The following PTER variants were observed in gnomAD, a reference collection of about 807,000 sequenced individuals.
The protein encoded by PTER is N-acetyltaurine hydrolase.
A neutral mutation model predicts 29.6 loss-of-function variants in PTER; 38 were observed. The observed-to-expected ratio is 1.28, with a 90% CI of 0.99 to 1.68. PTER has a LOEUF of 1.68. PTER is among the 40% of genes most tolerant of loss of function. The pLI, the probability that PTER is intolerant of heterozygous loss-of-function variation, is 0.00. For missense variants in PTER, 482 were observed against 427.8 expected, an observed-to-expected ratio of 1.13 and a Z score of -1.12; for synonymous variants, 172 against 154.5, an observed-to-expected ratio of 1.11 and a Z score of -0.84.
intron 1 of PTER, among the ~76,000 whole-genome samples, chr10:16,482,459 G>T (rs916725647): frequency 6.6e-6 from 1 of 152,142 alleles, no homozygotes; most frequent in Non-Finnish European, 1.5e-5. Context: ...TATGGTCTGC[G>T]TGCCAAATGC....
chr10:16,515,448 A>G (rs1295550298), downstream of PTER, among the ~76,000 whole-genome samples: 1 of 152,138 alleles, frequency 6.6e-6, no homozygotes, highest in Non-Finnish European at 1.5e-5. Flanking sequence ...AAAGTTAAAG[A>G]AAGGACTAAA....
At position 16,511,150 on chromosome 10, in the gene PTER, A is replaced by G. The variant is rs1431567365; in HGVS notation, c.944A>G (p.His315Arg). 6.2e-7 allele frequency: 1 copy of G among 1,613,072 alleles called. No homozygotes were observed. Among genetic ancestry groups the G allele is most frequent in the African/African-American group, 1.3e-5 (1 of 74,926 alleles). The change falls in exon 5 of 5, where the codon CAT becomes CGT. Residue 315 changes from histidine to arginine, a missense_variant. His to Arg is a conservative substitution (Grantham distance 29). Transcript: ENST00000535784. ...AAATATGGAGGTCACGGCTATTCTC[A>G]TATACTCACCAATGTTGTTCCTAAA... is the stretch of plus-strand genomic sequence containing the variant. ...LMKYGGHGYS[H>R]ILTNVVPKML...
rs562086772 is a variant in PTER, at chr10:16,455,218, G to C, written c.-49+18171G>C. Among the ~76,000 whole-genome samples the C allele has an allele frequency of 2.8e-4, 43 of 152,022 alleles. No individual in the cohort carries two copies. The East Asian group carries it at 7.5e-3, about 27-fold the overall frequency. ...TACTCCAGTCTGGATGACAGAGAGA[G>C]ACCCTGTCTCAAAACAAAACAAAAA... On this transcript the variant is annotated intron_variant, in intron 1 of 4. Coordinates refer to ENST00000535784, the MANE Select transcript of PTER (RefSeq NM_001261836.2).
intron 1 of PTER, among the ~76,000 whole-genome samples, chr10:16,461,064 T>C (rs537440374): frequency 1.3e-5 from 2 of 152,310 alleles, no homozygotes; most frequent in South Asian, 4.1e-4. Context: ...AAATTACAGT[T>C]AAAACTACAG....
chr10:16,466,422 C>A (rs1444176060), intron 1 of PTER, among the ~76,000 whole-genome samples: 2 of 152,118 alleles, frequency 1.3e-5, no homozygotes, highest in East Asian at 3.9e-4. Flanking sequence ...GTGGCACCAT[C>A]TCAGCTCACT....
intron 4 of PTER, among the ~76,000 whole-genome samples, chr10:16,507,647 T>A (rs556793718): frequency 1.6e-4 from 25 of 152,342 alleles, no homozygotes; most frequent in African/African-American, 5.5e-4. Flanking sequence ...TCATTAATAG[T>A]ACTATGCTTC....
chr10:16,511,037 T>A lies in PTER; in HGVS notation c.840-9T>A. ...CAAATGACATCTAATGAGTTAACAT[T>A]TTTCACAGGGTGCGTCTCCTGGTGG... On this transcript the variant is annotated splice_polypyrimidine_tract_variant and intron_variant, in intron 4 of 4. Transcript: ENST00000535784. 6.2e-7 allele frequency: 1 copy of A among 1,607,224 alleles called. No homozygotes were observed. Among genetic ancestry groups the A allele is most frequent in the Non-Finnish European group, 8.5e-7 (1 of 1,176,382 alleles).
chr10:16,474,612 G>C (rs188903176), intron 1 of PTER, among the ~76,000 whole-genome samples: 2 of 152,182 alleles, frequency 1.3e-5, no homozygotes, highest in Non-Finnish European at 2.9e-5. Flanking sequence ...ATTTGGTCAG[G>C]CTTCGTGGGT....
chr10:16,455,678 G>A (rs531800764), intron 1 of PTER, among the ~76,000 whole-genome samples: 35 of 152,230 alleles, frequency 2.3e-4, no homozygotes, highest in East Asian at 5.8e-4. Context: ...GCAACAGAGC[G>A]AGACCCTCTC....
At chr10:16,495,333 G>C (rs981011963) in intron 3 of PTER, among the ~76,000 whole-genome samples, 2 of 152,094 alleles carry the variant, frequency 1.3e-5, no homozygotes. Flanking sequence ...ACCACGCTCA[G>C]CCAATTTTGT....
At chr10:16,481,761 G>A (rs1187629131) in intron 1 of PTER, among the ~76,000 whole-genome samples, 1 of 152,132 alleles carries the variant, frequency 6.6e-6, no homozygotes, top group Non-Finnish European at 1.5e-5. Flanking sequence ...AAAAGTGGTA[G>A]CATTTTATCA....
At chr10:16,498,452 GGGCACT>G (rs1185214789) in intron 3 of PTER, among the ~76,000 whole-genome samples, 1 of 152,044 alleles carries the variant, frequency 6.6e-6, no homozygotes, top group East Asian at 1.9e-4. Context: ...GTGTGGTGGT[GGGCACT>G]TGTAATCCCA....
intron 1 of PTER, among the ~76,000 whole-genome samples, chr10:16,472,672 C>T (rs1432073164): frequency 6.6e-6 from 1 of 152,166 alleles, no homozygotes; most frequent in Non-Finnish European, 1.5e-5. Flanking sequence ...GTCCTTCTCC[C>T]CCACCATGTT....
chr10:16,459,369 A>G (rs1834524051), intron 1 of PTER, among the ~76,000 whole-genome samples: 2 of 152,208 alleles, frequency 1.3e-5, no homozygotes, highest in Admixed American at 6.5e-5. Flanking sequence ...GGTCTATAGT[A>G]AATTCTTCAG....
intron 1 of PTER, among the ~76,000 whole-genome samples, chr10:16,462,135 G>A (rs1301850105): frequency 1.3e-5 from 2 of 151,948 alleles, no homozygotes; most frequent in African/African-American, 4.8e-5. Context: ...ACAGGCGCCT[G>A]CCACTACGCC....
downstream of PTER, chr10:16,513,847 T>G (rs1045501244): frequency 2.0e-5 from 3 of 153,208 alleles, no homozygotes; most frequent in African/African-American, 7.2e-5. Flanking sequence ...TATGATACAC[T>G]GTCAATCTCT....
chr10:16,493,518 C>A (rs149689830), intron 3 of PTER, among the ~76,000 whole-genome samples: 3 of 152,112 alleles, frequency 2.0e-5, no homozygotes, highest in Non-Finnish European at 1.5e-5. Context: ...GATCCTCCTG[C>A]CTTGGCCTCC....
chr10:16,443,203 G>A (rs184640122), intron 1 of PTER, among the ~76,000 whole-genome samples: 1 of 152,280 alleles, frequency 6.6e-6, no homozygotes, highest in Non-Finnish European at 1.5e-5. Context: ...CTCTTCTGAG[G>A]TCTCTCTCTT....
At chr10:16,444,379 A>G (rs1237287174) in intron 1 of PTER, among the ~76,000 whole-genome samples, 1 of 151,134 alleles carries the variant, frequency 6.6e-6, no homozygotes, top group Non-Finnish European at 1.5e-5. Context: ...CTTCTGGGCT[A>G]AAGCGATCCT....
Sources: gnomAD v4.1 joint callset for allele counts (sites outside exome capture counted in the v4.1 genomes callset) on GRCh38, gnomAD v4.1.1 for gene constraint, MANE v1.5 for transcripts, NCBI Gene and HGNC (gene_info 2026-07-23, HGNC 2026-07-21) for gene names.